The following ARSG variants were observed in gnomAD, a reference collection of about 807,000 sequenced individuals.
ARSG encodes the protein arylsulfatase G.
In ARSG, 37 loss-of-function variants were observed where a neutral mutation model predicts 50.5. The observed-to-expected ratio is 0.73, with a 90% confidence interval of 0.56 to 0.96. The LOEUF (loss-of-function observed/expected upper bound fraction) is 0.96, where lower values mean the gene tolerates loss of function less well. Ranked by LOEUF, ARSG falls within the 50% of genes least tolerant of loss-of-function variation. The pLI, the probability that ARSG is intolerant of heterozygous loss-of-function variation, is 0.00. For missense variants in ARSG, 629 were observed against 675.3 expected (o/e 0.93, Z 0.76); for synonymous variants, 225 against 254.6 (o/e 0.88, Z 1.11).
intron 4 of ARSG, among the ~76,000 whole-genome samples, chr17:68,350,367 C>T (rs928979875): frequency 2.0e-5 from 3 of 152,152 alleles, no homozygotes; most frequent in Non-Finnish European, 2.9e-5. Flanking sequence ...TTGTGAGATT[C>T]GAGTTCTATC....
upstream of ARSG, chr17:68,291,311 A>G (rs1167416122): frequency 3.6e-5 from 1 of 27,896 alleles, no homozygotes; most frequent in South Asian, 1.3e-3. Context: ...CCCGCCCCCC[A>G]CCCCGGCCGC....
the ARSG span, among the ~76,000 whole-genome samples, chr17:68,445,469 G>A: frequency 6.6e-6 from 1 of 152,152 alleles, no homozygotes; most frequent in Non-Finnish European, 1.5e-5. Flanking sequence ...TTGGGCCGCT[G>A]TCTGAGCCCT....
chr17:68,408,429 C>T (rs2081843897), intron 11 of ARSG, among the ~76,000 whole-genome samples: 2 of 151,948 alleles, frequency 1.3e-5, no homozygotes, highest in African/African-American at 4.8e-5. Flanking sequence ...CCAATTTCAT[C>T]CATGTCCCTA....
In ARSG at chr17:68,269,358, C is replaced by G. The variant is rs377338265; in HGVS notation, c.-552+9932C>G. On this transcript the variant is annotated intron_variant, in intron 1 of 11. Transcript: ENST00000448504. ...GTCCACCAACAAACCTGGAAGAGAG[C>G]ATGGCGTCCGTTAACAGCATCCTTC... 2.0e-5 allele frequency: 22 copies of G among 1,100,966 alleles called. No individual in the cohort carries two copies. In the African/African-American group the frequency reaches 2.8e-4, roughly 14 times the overall value. The allele number at this position is 1,100,966 out of a possible 1,614,324, so 68.2% of individuals were successfully genotyped here.
intron 2 of ARSG, among the ~76,000 whole-genome samples, chr17:68,333,073 G>A (rs1265563507): frequency 6.6e-6 from 1 of 152,208 alleles, no homozygotes; most frequent in Non-Finnish European, 1.5e-5. Context: ...CATTTTGGGA[G>A]GCTGAGGTGG....
intron 3 of ARSG, among the ~76,000 whole-genome samples, chr17:68,345,199 A>G (rs995971966): frequency 6.6e-6 from 1 of 152,204 alleles, no homozygotes; most frequent in Non-Finnish European, 1.5e-5. Flanking sequence ...CAGCTGAACG[A>G]AGTGGCTCAC....
chr17:68,311,064 G>A lies in ARSG; in HGVS notation c.218+3353G>A, dbSNP rs114312984. ...AATGCAAAAATTAGCCAGATGTGGC[G>A]GTGCACGGGAGAACCTGGGAGACAG... is the stretch of plus-strand genomic sequence containing the variant. On this transcript the variant is annotated intron_variant, in intron 2 of 11. Transcript: ENST00000621439. Among the ~76,000 whole-genome samples, 1,227 of 152,210 alleles carry A rather than the reference G, an allele frequency of 8.1e-3. 17 individuals are homozygous for A. Among genetic ancestry groups the A allele is most frequent in the African/African-American group, 0.028 (1,143 of 41,530 alleles).
the ARSG span, among the ~76,000 whole-genome samples, chr17:68,430,546 G>T: frequency 6.6e-6 from 1 of 152,194 alleles, no homozygotes; most frequent in Non-Finnish European, 1.5e-5. Flanking sequence ...GCTCATGGAA[G>T]AACAGACAGA....
At chr17:68,334,728 C>T (rs979245352) in intron 2 of ARSG, among the ~76,000 whole-genome samples, 5 of 152,090 alleles carry the variant, frequency 3.3e-5, no homozygotes, top group East Asian at 1.9e-4. Context: ...CTGGAGTCAC[C>T]GGCCAGAGGA....
In ARSG at chr17:68,307,228, C is replaced by T; in HGVS notation, c.-266C>T. On this transcript the variant is annotated 5_prime_UTR_variant, in exon 2 of 12. Coordinates refer to ENST00000621439, the MANE Select transcript of ARSG (RefSeq NM_001267727.2). ...TGAGCTGCGGTGAGGAAACACTGAC[C>T]ATAGAAGATCAAGCCAAATGAGGGA... 2.1e-6 allele frequency: 1 copy of T among 482,840 alleles called. No individual in the cohort carries two copies. The allele number at this position is 482,840 out of a possible 1,614,324, so 29.9% of individuals were successfully genotyped here. A position where few individuals can be genotyped will look rare whatever the true frequency, so the allele number is the denominator to read the frequency against.
downstream of ARSG, chr17:68,421,736 T>TA (rs2082788966): frequency 1.9e-6 from 3 of 1,613,970 alleles, no homozygotes; most frequent in Non-Finnish European, 2.5e-6. Context: ...AACCACCTGA[T>TA]AGGGGGGATG....
rs71293553 is a variant in ARSG at position 68,381,961 on chromosome 17, C to CTT, written c.983-3091_983-3090dup. Among the ~76,000 whole-genome samples the CTT allele has an allele frequency of 2.1e-5, 3 of 142,602 alleles. No individual in the cohort carries two copies. Among genetic ancestry groups the CTT allele is most frequent in the Non-Finnish European group, 3.1e-5 (2 of 65,248 alleles). The allele number at this position is 142,602 out of a possible 152,430, so 93.6% of individuals were successfully genotyped here. Reference sequence around the variant, plus strand: ...TTGGCTCTATCATTTTCTTTCTTTCCTTTTTTTTTTTTTGACAGAGTCTCT... The same window carrying CTT: ...TTGGCTCTATCATTTTCTTTCTTTCCTTTTTTTTTTTTTTTGACAGAGTCTCT... On this transcript the variant is annotated intron_variant, in intron 8 of 11. Transcript: ENST00000621439. This position sits in a 1 kb window ranked among gnomAD's most constrained non-coding sequence, Gnocchi z 4.1.
rs2147007749 is a variant in ARSG, at chr17:68,385,179, G to A, written c.1091+7G>A. The A allele has an allele frequency of 6.2e-7, 1 of 1,611,690 alleles. No individual in the cohort carries two copies. The highest frequency in any genetic ancestry group is 8.5e-7 in the Non-Finnish European group (1 of 1,178,044). ...CCAGCACTGCCTTGTTAAGGTATGA[G>A]ACCAAAACTACCTTGAGATGTTGGG... On this transcript the variant is annotated splice_region_variant and intron_variant, in intron 9 of 11. Transcript: ENST00000621439.
At chr17:68,339,746 G>A (rs1169680469) in intron 2 of ARSG, among the ~76,000 whole-genome samples, 2 of 152,192 alleles carry the variant, frequency 1.3e-5, no homozygotes, top group African/African-American at 4.8e-5. Flanking sequence ...AAACGCTTTT[G>A]GCAAGAATCC....
intron 9 of ARSG, 80 bp from the exon 10 acceptor site, chr17:68,394,993 G>T: frequency 1.3e-6 from 2 of 1,588,134 alleles, no homozygotes; most frequent in Non-Finnish European, 1.7e-6. Flanking sequence ...CTCTGGGCTG[G>T]TTCAGGTGGG....
chr17:68,265,012 G>A (rs2075129411), intron 1 of ARSG, among the ~76,000 whole-genome samples: 1 of 151,282 alleles, frequency 6.6e-6, no homozygotes, highest in African/African-American at 2.4e-5. Context: ...AAATTAGCTG[G>A]GCGTGGTGGC....
In ARSG at chr17:68,333,137, C is replaced by T. The variant is rs973281258; in HGVS notation, c.219-10467C>T. Among the ~76,000 whole-genome samples the T allele has an allele frequency of 1.3e-4, 19 of 151,874 alleles. 1 individual carries two copies. The highest frequency in any genetic ancestry group is 6.6e-4 in the Admixed American group (10 of 15,242). On this transcript the variant is annotated intron_variant, in intron 2 of 11. Transcript: ENST00000621439. Reference sequence around the variant, plus strand: ...CATCCTGGCTAACATGGTGAAACCCCGTCTCTACTAAAAATACAACAACAA... The same window carrying T: ...CATCCTGGCTAACATGGTGAAACCCTGTCTCTACTAAAAATACAACAACAA...
the ARSG span, among the ~76,000 whole-genome samples, chr17:68,431,697 C>T: frequency 6.6e-6 from 1 of 152,112 alleles, no homozygotes. Context: ...GTTCAAGGGC[C>T]CTGGCCAGCG....
chr17:68,311,863 C>T lies in ARSG; in HGVS notation c.218+4152C>T, dbSNP rs141370570. On this transcript the variant is annotated intron_variant, in intron 2 of 11. Coordinates refer to ENST00000621439, the MANE Select transcript of ARSG (RefSeq NM_001267727.2). The stretch of plus-strand genomic sequence containing the variant: ...TCGCCCAGGTTGGAGTGCAGTAGTG[C>T]GATCTTGGCTCACTGCAACCTCCAC... Among the ~76,000 whole-genome samples the T allele has an allele frequency of 6.5e-3, 940 of 143,642 alleles. 10 individuals carry two copies. Among genetic ancestry groups the T allele is most frequent in the African/African-American group, 0.022 (858 of 38,814 alleles). 94.2% of individuals were successfully genotyped at this position (143,642 alleles called of 152,430 possible).
Sources: allele counts gnomAD v4.1 joint callset (sites outside exome capture counted in the v4.1 genomes callset), GRCh38; gene constraint gnomAD v4.1.1; non-coding constraint Gnocchi (gnomAD v3.1); transcripts MANE v1.5; gene names NCBI Gene and HGNC (gene_info 2026-07-23, HGNC 2026-07-21).